Variants in SERPINB10 observed in about 807,000 individuals in gnomAD.
SERPINB10 encodes the protein serpin family B member 10, also known as serpin B10.
Under a neutral mutation model 39.1 loss-of-function variants are expected in SERPINB10, and 35 were observed. That is an observed-to-expected ratio of 0.90 (90% CI 0.68 to 1.19). SERPINB10 has a LOEUF of 1.19. Ranked by LOEUF, SERPINB10 falls within the 50% of genes most tolerant of loss-of-function variation. The probability of loss-of-function intolerance (pLI) is 0.00; values close to 1 mark genes in which losing one functional copy is unlikely to be tolerated. For synonymous variants in SERPINB10, 190 were observed against 158.1 expected (o/e 1.20, Z -1.52); for missense variants, 546 against 460.5 (o/e 1.19, Z -1.70).
At chr18:63,934,739 A>C (rs1277196723) in intron 7 of SERPINB10, 99 bp from the exon 8 acceptor site, 3 of 1,234,858 alleles carry the variant, frequency 2.4e-6, no homozygotes, top group Non-Finnish European at 3.3e-6. Flanking sequence ...GGGAGTGATC[A>C]TAATTCACCT....
chr18:63,913,244 T>G (rs1418867973), intron 1 of SERPINB10, among the ~76,000 whole-genome samples: 1 of 152,042 alleles, frequency 6.6e-6, no homozygotes, highest in South Asian at 2.1e-4. Flanking sequence ...TTTTGTTGAT[T>G]CTTTGTATGG....
At chr18:63,921,679 C>T (rs751988204) in intron 5 of SERPINB10, among the ~76,000 whole-genome samples, 3 of 151,930 alleles carry the variant, frequency 2.0e-5, no homozygotes, top group Non-Finnish European at 4.4e-5. Context: ...CACTTCTCTA[C>T]TCAAAACTGA....
At chr18:63,908,719 G>T (rs1015460795) in intron 1 of SERPINB10, among the ~76,000 whole-genome samples, 3 of 151,944 alleles carry the variant, frequency 2.0e-5, no homozygotes, top group African/African-American at 7.3e-5. Flanking sequence ...TGGGGATTGG[G>T]GAAGCTGTCA....
At chr18:63,911,352 C>T (rs185318822) in intron 1 of SERPINB10, among the ~76,000 whole-genome samples, 83 of 150,424 alleles carry the variant, frequency 5.5e-4, no homozygotes, top group Non-Finnish European at 1.0e-3. Flanking sequence ...CTTCCCCCAA[C>T]ACTGATATCC....
At chr18:63,910,333 G>A (rs2050054803) in intron 1 of SERPINB10, among the ~76,000 whole-genome samples, 1 of 151,862 alleles carries the variant, frequency 6.6e-6, no homozygotes, top group African/African-American at 2.4e-5. Context: ...GACTCAGAGG[G>A]TACATATGCA....
At position 63,935,462 on chromosome 18, in the gene SERPINB10, T is replaced by C. The variant is rs957320805; in HGVS notation, c.*220T>C. On this transcript the variant is annotated 3_prime_UTR_variant, in exon 8 of 8. Coordinates refer to ENST00000238508, the MANE Select transcript of SERPINB10 (RefSeq NM_005024.3). ...TTATTTTTAACACGTTAACATTTTG[T>C]CTAATGTGACTTTCATTTACATTTC... 3 of 473,534 alleles carry C rather than the reference T, an allele frequency of 6.3e-6. No individual in the cohort carries two copies. In the Admixed American group the frequency reaches 1.2e-4, roughly 18 times the overall value. The allele number at this position is 473,534 out of a possible 1,614,324, so 29.3% of individuals were successfully genotyped here. A position where few individuals can be genotyped will look rare whatever the true frequency, so the allele number is the denominator to read the frequency against.
rs1240274326 is a variant in SERPINB10 at position 63,918,116 on chromosome 18, T to C, written c.372+14T>C. The C allele has an allele frequency of 1.2e-6, 2 of 1,611,050 alleles. No homozygotes were observed. The highest frequency in any genetic ancestry group is 1.3e-5 in the African/African-American group (1 of 74,758). ...GCATTTCACAATGTAAGTGCAAATG[T>C]CTTATTTTAAGCTAATGGAAAAGAA... is the stretch of plus-strand genomic sequence containing the variant. On this transcript the variant is annotated intron_variant, in intron 4 of 7. Transcript: ENST00000238508.
At chr18:63,914,908 C>T (rs2050090274) in intron 1 of SERPINB10, among the ~76,000 whole-genome samples, 1 of 152,004 alleles carries the variant, frequency 6.6e-6, no homozygotes, top group Non-Finnish European at 1.5e-5. Flanking sequence ...TTCAGAGGGT[C>T]TCAAATGAGT....
intron 3 of SERPINB10, among the ~76,000 whole-genome samples, chr18:63,917,751 T>A (rs547239406): frequency 3.9e-5 from 6 of 152,142 alleles, no homozygotes; most frequent in African/African-American, 1.4e-4. Context: ...AACTTTTCCT[T>A]GCCTGCTTTT....
At chr18:63,914,666 T>C (rs1019599485) in intron 1 of SERPINB10, among the ~76,000 whole-genome samples, 1 of 152,022 alleles carries the variant, frequency 6.6e-6, no homozygotes, top group Non-Finnish European at 1.5e-5. Context: ...GTAGTCTTCA[T>C]CAATAATGTC....
chr18:63,933,780 AC>A (rs1852731726), intron 7 of SERPINB10, among the ~76,000 whole-genome samples: 4 of 152,296 alleles, frequency 2.6e-5, no homozygotes, highest in Admixed American at 2.6e-4. Context: ...TCTGGACACA[AC>A]TTTTGTCAAA....
Position 63,915,558 on chromosome 18 carries a change from C to T in SERPINB10, c.48C>T (p.Ser16=). 1 of 1,612,636 alleles carries T rather than the reference C, an allele frequency of 6.2e-7. No homozygotes were observed. Among genetic ancestry groups the T allele is most frequent in the Non-Finnish European group, 8.5e-7 (1 of 1,179,144 alleles). Residue 16 remains serine, a synonymous_variant, in exon 2 of 8, where the codon AGC becomes AGT. Transcript: ENST00000238508. The part of the protein sequence containing the change: ...TSINQFALEL[S]KKLAESAQGK... ...TCAACCAGTTTGCCCTGGAGTTGAG[C>T]AAAAAGCTAGCTGAATCTGCTCAGG...
Position 63,933,089 on chromosome 18 carries a change from G to C in SERPINB10, c.675G>C (p.Lys225Asn), listed in dbSNP as rs762391086. ...TGCAAATGATGTTTATGAAGAAAAAGCTTCACATTTTTCACATAGAAAAGC... is the reference window on the plus strand; with the variant it reads ...TGCAAATGATGTTTATGAAGAAAAACCTTCACATTTTTCACATAGAAAAGC... ...KPVQMMFMKKKLHIFHIEKPK... is the reference protein window; with the variant it reads ...KPVQMMFMKKNLHIFHIEKPK... Residue 225 changes from lysine to asparagine, a missense_variant, in exon 7 of 8, where the codon AAG becomes AAC. Coordinates refer to ENST00000238508, the MANE Select transcript of SERPINB10 (RefSeq NM_005024.3). The C allele has an allele frequency of 6.2e-7, 1 of 1,613,834 alleles. No homozygotes were observed. The highest frequency in any genetic ancestry group is 8.5e-7 in the Non-Finnish European group (1 of 1,179,892).
At position 63,935,128 on chromosome 18, in the gene SERPINB10, T is replaced by C. The variant is rs1316212349; in HGVS notation, c.1080T>C (p.Asp360=). The change falls in exon 8 of 8, where the codon GAT becomes GAC. Residue 360 remains aspartate, a synonymous_variant. Transcript: ENST00000238508. ...CAGCTGGCAGTGGGAGTGAGATAGA[T>C]ATACGAATTAGAGTCCCATCCATTG... ...EAAAGSGSEI[D]IRIRVPSIEF... The C allele has an allele frequency of 1.2e-6, 2 of 1,613,634 alleles. No individual in the cohort carries two copies. Among genetic ancestry groups the C allele is most frequent in the African/African-American group, 2.7e-5 (2 of 74,938 alleles).
In SERPINB10 at chr18:63,913,842, C is replaced by T. The variant is rs1167321090; in HGVS notation, c.-9-1660C>T. On this transcript the variant is annotated intron_variant, in intron 1 of 7. Transcript: ENST00000238508. ...TTCTCCCTCAATGATCTGTCTAATG[C>T]TGTCAATGGGGTGTTAAAGTCCCCC... Among the ~76,000 whole-genome samples, 7 of 152,010 alleles carry T rather than the reference C, an allele frequency of 4.6e-5. 1 individual carries two copies. In the East Asian group the frequency reaches 9.7e-4, roughly 21 times the overall value.
intron 1 of SERPINB10, among the ~76,000 whole-genome samples, chr18:63,910,329 G>T (rs2050054775): frequency 6.6e-6 from 1 of 151,966 alleles, no homozygotes; most frequent in Non-Finnish European, 1.5e-5. Context: ...TTTTGACTCA[G>T]AGGGTACATA....
chr18:63,925,425 TG>T (rs1364416232), intron 5 of SERPINB10, among the ~76,000 whole-genome samples: 1 of 151,890 alleles, frequency 6.6e-6, no homozygotes, highest in Non-Finnish European at 1.5e-5. Context: ...GTAACAGAGC[TG>T]GGACAAGCGA....
Position 63,935,191 on chromosome 18 carries a change from G to A in SERPINB10, c.1143G>A (p.Arg381=), listed in dbSNP as rs1268316820. ...ATCACCCATTCCTCTTCTTCATCAGGCACAATAAAACCAACACCATTCTTT... is the reference window on the plus strand; with the variant it reads ...ATCACCCATTCCTCTTCTTCATCAGACACAATAAAACCAACACCATTCTTT... ...NANHPFLFFI[R]HNKTNTILFY... Residue 381 remains arginine (R), a synonymous_variant, in exon 8 of 8, where the codon AGG becomes AGA. Coordinates refer to ENST00000238508, the MANE Select transcript of SERPINB10 (RefSeq NM_005024.3). 2 of 1,610,624 alleles carry A rather than the reference G, an allele frequency of 1.2e-6. No homozygotes were observed. Among genetic ancestry groups the A allele is most frequent in the East Asian group, 2.2e-5 (1 of 44,870 alleles).
intron 6 of SERPINB10, among the ~76,000 whole-genome samples, chr18:63,931,066 T>G (rs1430081647): frequency 6.6e-6 from 1 of 152,142 alleles, no homozygotes; most frequent in Non-Finnish European, 1.5e-5. Flanking sequence ...TTACCTGGGT[T>G]TATATATTCA....
Sources: gnomAD v4.1 joint callset for allele counts (sites outside exome capture counted in the v4.1 genomes callset) on GRCh38, gnomAD v4.1.1 for gene constraint, MANE v1.5 for transcripts, NCBI Gene and HGNC (gene_info 2026-07-23, HGNC 2026-07-21) for gene names.